The following PRSS12 variants were observed in gnomAD, a reference collection of about 807,000 sequenced individuals.
The protein encoded by PRSS12 is neurotrypsin.
In PRSS12, 85 loss-of-function variants were observed where a neutral mutation model predicts 104.4. The ratio of observed to expected loss-of-function variants is 0.81; its 90% CI spans 0.68 to 0.98. The LOEUF (loss-of-function observed/expected upper bound fraction) is 0.98. Ranked by LOEUF, PRSS12 falls within the 50% of genes least tolerant of loss-of-function variation. The probability of loss-of-function intolerance (pLI) is 0.00; values close to 1 mark genes in which losing one functional copy is unlikely to be tolerated. For synonymous variants in PRSS12, 454 were observed against 425.2 expected (o/e 1.07, Z -0.83); for missense variants, 1,141 against 1,139.2 (o/e 1.00, Z -0.02).
At chr4:118,295,547 A>G (rs563826449) in intron 10 of PRSS12, among the ~76,000 whole-genome samples, 2 of 152,336 alleles carry the variant, frequency 1.3e-5, no homozygotes, top group South Asian at 2.1e-4. Context: ...TTTCTGCCAT[A>G]TAACTTTTCA....
chr4:118,283,047 C>T lies in PRSS12; in HGVS notation c.2104G>A (p.Glu702Lys). Residue 702 changes from glutamate (E) to lysine (K), a missense_variant, in exon 12 of 13, where the codon GAG becomes AAG. Physicochemically the swap from Glu to Lys is moderately conservative, Grantham distance 56. Coordinates refer to ENST00000296498, the MANE Select transcript of PRSS12 (RefSeq NM_003619.4). ...VGDYHTLVPE[E>K]FEEEIGVQQI... ...TGAACTCCAATTTCTTCCTCAAACT[C>T]CTCTGGTACCAGAGTATGATAATCT... The T allele has an allele frequency of 6.2e-7, 1 of 1,614,162 alleles. No individual in the cohort carries two copies. The highest frequency in any genetic ancestry group is 8.5e-7 in the Non-Finnish European group (1 of 1,180,022).
chr4:118,346,927 T>C (rs938047663), intron 1 of PRSS12, among the ~76,000 whole-genome samples: 1 of 152,202 alleles, frequency 6.6e-6, no homozygotes, highest in Non-Finnish European at 1.5e-5. Context: ...GGTTGGGGAC[T>C]GGTGTCTTAA....
intron 7 of PRSS12, among the ~76,000 whole-genome samples, chr4:118,310,672 C>T (rs1399602229): frequency 6.6e-6 from 1 of 152,094 alleles, no homozygotes; most frequent in Non-Finnish European, 1.5e-5. Context: ...TTTGATTTTT[C>T]CTGTAACATA....
chr4:118,298,734 T>A lies in PRSS12; in HGVS notation c.1836A>T (p.Lys612Asn). 6.2e-7 allele frequency: 1 copy of A among 1,614,138 alleles called. No homozygotes were observed. Among genetic ancestry groups the A allele is most frequent in the Non-Finnish European group, 8.5e-7 (1 of 1,179,950 alleles). The change falls in exon 9 of 13, where the codon AAA (lysine) becomes AAT (asparagine). Residue 612 changes from lysine (K) to asparagine (N), a missense_variant and splice_region_variant. Lys to Asn is a moderately conservative substitution (Grantham distance 94). Coordinates refer to ENST00000296498, the MANE Select transcript of PRSS12 (RefSeq NM_003619.4). ...TTAGGGCTCCAGAAGGTGACTTACC[T>A]TTATTACTGTTACCTGAGGCCTTCT... The part of the protein sequence containing the change: ...FGKKASGNSN[K>N]ESLSSVCGLR...
Position 118,347,725 on chromosome 4 carries a change from G to A in PRSS12, c.502+4494C>T, listed in dbSNP as rs56200881. 4.8e-3 allele frequency among the ~76,000 whole-genome samples: 732 copies of A among 152,224 alleles called. 4 individuals are homozygous for A. Among genetic ancestry groups the A allele is most frequent in the African/African-American group, 0.015 (630 of 41,528 alleles). ...TGTTTTAGAGACAGGGTCTCCCTCC[G>A]TTGCCCAGAATGGGGTGCAGTGTCA... On this transcript the variant is annotated intron_variant, in intron 1 of 12. Transcript: ENST00000296498.
intron 4 of PRSS12, among the ~76,000 whole-genome samples, chr4:118,324,261 C>A (rs1480404815): frequency 6.6e-6 from 1 of 152,036 alleles, no homozygotes; most frequent in Non-Finnish European, 1.5e-5. Context: ...AAGTAATATC[C>A]ATGGCCAATG....
intron 3 of PRSS12, among the ~76,000 whole-genome samples, chr4:118,334,693 CCT>C (rs1350868509): frequency 6.6e-6 from 1 of 152,164 alleles, no homozygotes; most frequent in Non-Finnish European, 1.5e-5. Context: ...TATTCTTCCC[CCT>C]GATACTTGTA....
chr4:118,290,799 C>T lies in PRSS12; in HGVS notation c.2039+4140G>A, dbSNP rs757958352. ...CCAAGTCTCCTTCTGTTGTATTGTA[C>T]CAGGCTCTACTGATTTCTAACAGTC... is the stretch of plus-strand genomic sequence containing the variant. On this transcript the variant is annotated intron_variant, in intron 11 of 12. Transcript: ENST00000296498. Among the ~76,000 whole-genome samples, 173 of 152,096 alleles carry T rather than the reference C, an allele frequency of 1.1e-3. 3 individuals are homozygous for T. The highest frequency in any genetic ancestry group is 1.4e-3 in the Admixed American group (21 of 15,256).
At chr4:118,308,404 G>C in intron 8 of PRSS12, 32 bp downstream of exon 8, 3 of 1,613,406 alleles carry the variant, frequency 1.9e-6, no homozygotes, top group Non-Finnish European at 2.5e-6. Flanking sequence ...ATGCTCATCA[G>C]TAACCATCCC....
chr4:118,330,843 G>A (rs1292598341), intron 4 of PRSS12, among the ~76,000 whole-genome samples: 6 of 152,042 alleles, frequency 3.9e-5, no homozygotes, highest in Admixed American at 2.6e-4. Flanking sequence ...TTGAAAGAGA[G>A]CCAATTATTT....
chr4:118,331,352 C>T (rs574202088), intron 4 of PRSS12, among the ~76,000 whole-genome samples: 1 of 152,276 alleles, frequency 6.6e-6, no homozygotes, highest in East Asian at 1.9e-4. Context: ...CATTTCATGA[C>T]TAGAAGTTAA....
At chr4:118,288,103 G>A (rs759901257) in intron 11 of PRSS12, among the ~76,000 whole-genome samples, 4 of 152,166 alleles carry the variant, frequency 2.6e-5, no homozygotes. Context: ...TTCTCTACAT[G>A]GATTCGTCTC....
chr4:118,343,408 C>A (rs938739229), intron 1 of PRSS12, among the ~76,000 whole-genome samples: 2 of 151,810 alleles, frequency 1.3e-5, no homozygotes, highest in Non-Finnish European at 2.9e-5. Flanking sequence ...AAACAAAAAA[C>A]AAAAACAAAA....
chr4:118,288,907 A>G (rs1374631909), intron 11 of PRSS12, among the ~76,000 whole-genome samples: 1 of 152,220 alleles, frequency 6.6e-6, no homozygotes, highest in African/African-American at 2.4e-5. Flanking sequence ...GAAAAATGTG[A>G]AAAATGAGAT....
chr4:118,320,434 A>G (rs1723583909), intron 4 of PRSS12, among the ~76,000 whole-genome samples: 1 of 152,188 alleles, frequency 6.6e-6, no homozygotes, highest in South Asian at 2.1e-4. Context: ...AAACAAAAAT[A>G]TCTAAAAGTT....
chr4:118,292,225 C>T (rs968629147), intron 11 of PRSS12, among the ~76,000 whole-genome samples: 1 of 152,126 alleles, frequency 6.6e-6, no homozygotes, highest in Non-Finnish European at 1.5e-5. Flanking sequence ...ATCAGTTTAG[C>T]AATTAATATG....
At position 118,283,477 on chromosome 4, in the gene PRSS12, A is replaced by T. The variant is rs182036192; in HGVS notation, c.2040-366T>A. ...TATTTCCAAGAATTGTTAGTTTGTC[A>T]TGAAGCTCTGTGAGGGCAGAAACTA... On this transcript the variant is annotated intron_variant, in intron 11 of 12. Transcript: ENST00000296498. Among the ~76,000 whole-genome samples the T allele has an allele frequency of 1.7e-4, 26 of 152,338 alleles. No homozygotes were observed. The East Asian group carries it at 5.0e-3, about 29-fold the overall frequency.
At chr4:118,303,926 C>T (rs1159285722) in intron 8 of PRSS12, 2 of 151,936 alleles carry the variant, frequency 1.3e-5, no homozygotes, top group Non-Finnish European at 2.9e-5. Flanking sequence ...AGCAATGAAG[C>T]TTCCTTAATC....
chr4:118,282,254 CA>C lies in PRSS12; in HGVS notation c.2321-12del, dbSNP rs767602924. 21 of 1,613,866 alleles carry C rather than the reference CA, an allele frequency of 1.3e-5. No individual in the cohort carries two copies. The Admixed American group carries it at 3.0e-4, about 23-fold the overall frequency. Reference sequence around the variant, plus strand: ...TTGAATAGGCTCGTCCTACTCAGACCAAACATCTGATTAGTGGCATTCCAGA... The same window carrying C: ...TTGAATAGGCTCGTCCTACTCAGACCAACATCTGATTAGTGGCATTCCAGA... On this transcript the variant is annotated splice_polypyrimidine_tract_variant and intron_variant, in intron 12 of 12. Transcript: ENST00000296498.
Sources: gnomAD v4.1 joint callset for allele counts (sites outside exome capture counted in the v4.1 genomes callset) on GRCh38, gnomAD v4.1.1 for gene constraint, MANE v1.5 for transcripts, NCBI Gene and HGNC (gene_info 2026-07-23, HGNC 2026-07-21) for gene names.